The following PRKN variants were observed in gnomAD, a reference collection of about 807,000 sequenced individuals.
The protein encoded by PRKN is parkin RBR E3 ubiquitin protein ligase.
PRKN carries 56 observed loss-of-function variants against 59.5 expected under a neutral mutation model. That is an observed-to-expected ratio of 0.94 (90% CI 0.76 to 1.18). The LOEUF (loss-of-function observed/expected upper bound fraction) is 1.18. PRKN is among the 50% of genes most tolerant of loss of function. The pLI, the probability that PRKN is intolerant of heterozygous loss-of-function variation, is 0.00. For synonymous variants in PRKN, 250 were observed against 222.1 expected, an observed-to-expected ratio of 1.13 and a Z score of -1.12; for missense variants, 657 against 596.4, an observed-to-expected ratio of 1.10 and a Z score of -1.06.
At chr6:162,386,475 G>A (rs926894889) in intron 2 of PRKN, among the ~76,000 whole-genome samples, 1 of 152,292 alleles carries the variant, frequency 6.6e-6, no homozygotes, top group African/African-American at 2.4e-5. Flanking sequence ...AGAAACATGA[G>A]AAAGTCCACT....
chr6:162,180,756 C>A (rs1783767743), intron 4 of PRKN, among the ~76,000 whole-genome samples: 1 of 152,166 alleles, frequency 6.6e-6, no homozygotes, highest in South Asian at 2.1e-4. Flanking sequence ...GCCTAATTAG[C>A]TTTCAAGTTG....
chr6:162,469,323 G>A (rs1004565078), intron 1 of PRKN, among the ~76,000 whole-genome samples: 6 of 126,886 alleles, frequency 4.7e-5, no homozygotes, highest in African/African-American at 1.8e-4. Flanking sequence ...AAGAATTTGT[G>A]GAATGTTAAG....
At position 161,360,252 on chromosome 6, in the gene PRKN, T is replaced by G; in HGVS notation, c.1168-47A>C. 7.0e-7 allele frequency: 1 copy of G among 1,418,822 alleles called. No homozygotes were observed. The highest frequency in any genetic ancestry group is 2.3e-5 in the East Asian group (1 of 43,974). 87.9% of individuals were successfully genotyped at this position (1,418,822 alleles called of 1,614,324 possible). ...GCGTTTAATCTCAGCTTTCTATTAC[T>G]GGGATCAGAGTTTATGTTCCCTGTA... On this transcript the variant is annotated intron_variant, in intron 10 of 11. Transcript: ENST00000366898. The surrounding 1 kb of genome is among the most constrained non-coding windows in gnomAD (Gnocchi z 5.1).
chr6:161,703,676 G>A (rs1459236136), intron 7 of PRKN, among the ~76,000 whole-genome samples: 4 of 151,954 alleles, frequency 2.6e-5, no homozygotes, highest in Non-Finnish European at 4.4e-5. Flanking sequence ...ACATTGTAAT[G>A]CCTCTCCAAT....
At chr6:162,261,341 T>C (rs1264959211) in intron 3 of PRKN, among the ~76,000 whole-genome samples, 2 of 152,190 alleles carry the variant, frequency 1.3e-5, no homozygotes, top group Admixed American at 1.3e-4. Context: ...ATACTTATGC[T>C]AAAGTGGCAT....
chr6:162,629,526 A>G (rs1783022907), intron 1 of PRKN, among the ~76,000 whole-genome samples: 1 of 152,170 alleles, frequency 6.6e-6, no homozygotes, highest in African/African-American at 2.4e-5. Flanking sequence ...ATATATATTT[A>G]AAGGAATGAT....
chr6:162,199,869 G>A (rs1388629222), intron 4 of PRKN, among the ~76,000 whole-genome samples: 3 of 151,940 alleles, frequency 2.0e-5, no homozygotes, highest in Non-Finnish European at 2.9e-5. Flanking sequence ...CACAGGCCCC[G>A]TAACACCCAT....
intron 7 of PRKN, among the ~76,000 whole-genome samples, chr6:161,651,677 T>C (rs1232922445): frequency 6.6e-6 from 1 of 152,198 alleles, no homozygotes; most frequent in Non-Finnish European, 1.5e-5. Flanking sequence ...AGGGCAGCTT[T>C]TTCAGTGACT....
chr6:162,132,727 C>T (rs987686612), intron 4 of PRKN, among the ~76,000 whole-genome samples: 2 of 152,062 alleles, frequency 1.3e-5, no homozygotes, highest in African/African-American at 4.8e-5. Context: ...GGCAACAGGG[C>T]CAGGACTCCA....
chr6:162,563,031 A>C (rs1054240896), intron 1 of PRKN, among the ~76,000 whole-genome samples: 8 of 152,178 alleles, frequency 5.3e-5, no homozygotes, highest in African/African-American at 1.7e-4. Flanking sequence ...AGCCGGGCGC[A>C]GTGGCTCACG....
At chr6:162,050,658 G>A (rs904379657) in intron 5 of PRKN, among the ~76,000 whole-genome samples, 8 of 152,104 alleles carry the variant, frequency 5.3e-5, no homozygotes, top group African/African-American at 9.7e-5. Flanking sequence ...CAATAAGGGC[G>A]GGGAAGATAA....
chr6:161,801,531 A>G (rs1222514681), intron 6 of PRKN, among the ~76,000 whole-genome samples: 1 of 152,192 alleles, frequency 6.6e-6, no homozygotes, highest in African/African-American at 2.4e-5. Flanking sequence ...AGCTATAAAC[A>G]TCGAACAGTG....
chr6:162,074,632 TA>T (rs1405167380), intron 4 of PRKN, among the ~76,000 whole-genome samples: 2 of 8,414 alleles, frequency 2.4e-4, no homozygotes, highest in Non-Finnish European at 3.8e-4. Context: ...AGTATATATA[TA>T]AAAAAAAGTC....
intron 5 of PRKN, among the ~76,000 whole-genome samples, chr6:162,032,654 G>A (rs780085621): frequency 3.3e-5 from 5 of 152,160 alleles, no homozygotes; most frequent in Admixed American, 1.3e-4. Context: ...GCTGAGAGAG[G>A]TTAAAGTAAA....
chr6:162,267,486 T>C (rs973259126), intron 2 of PRKN, among the ~76,000 whole-genome samples: 2 of 152,170 alleles, frequency 1.3e-5, no homozygotes, highest in Admixed American at 6.5e-5. Flanking sequence ...AGTGCTCCAA[T>C]ATGGTTTCAG....
intron 7 of PRKN, among the ~76,000 whole-genome samples, chr6:161,756,467 A>C (rs1207639594): frequency 6.6e-6 from 1 of 150,534 alleles, no homozygotes; most frequent in African/African-American, 2.5e-5. Context: ...AAAAAAAAAA[A>C]AAACACTTTC....
intron 1 of PRKN, among the ~76,000 whole-genome samples, chr6:162,548,730 G>A (rs566699634): frequency 1.8e-4 from 27 of 152,280 alleles, no homozygotes; most frequent in African/African-American, 6.5e-4. Flanking sequence ...CAAATTTCTT[G>A]ATGAACGAGT....
chr6:161,695,001 C>T (rs903990969), intron 7 of PRKN, among the ~76,000 whole-genome samples: 1 of 152,140 alleles, frequency 6.6e-6, no homozygotes, highest in Non-Finnish European at 1.5e-5. Flanking sequence ...ATCGGCATTT[C>T]TTAAAAACCT....
intron 1 of PRKN, among the ~76,000 whole-genome samples, chr6:162,521,886 T>G (rs368849110): frequency 6.6e-6 from 1 of 152,160 alleles, no homozygotes; most frequent in Non-Finnish European, 1.5e-5. Flanking sequence ...TAAGCATGAA[T>G]AGAATTTTAA....
Sources: gnomAD v4.1 joint callset for allele counts (sites outside exome capture counted in the v4.1 genomes callset) on GRCh38, gnomAD v4.1.1 for gene constraint, Gnocchi (gnomAD v3.1) non-coding constraint, MANE v1.5 for transcripts, NCBI Gene and HGNC (gene_info 2026-07-23, HGNC 2026-07-21) for gene names.